The following SEC23B variants were observed in gnomAD, a reference collection of about 807,000 sequenced individuals.
The protein encoded by SEC23B is protein transport protein Sec23B.
In SEC23B, 77 loss-of-function variants were observed where a neutral mutation model predicts 104.3. The ratio of observed to expected loss-of-function variants is 0.74; its 90% confidence interval spans 0.61 to 0.89. The LOEUF (loss-of-function observed/expected upper bound fraction) is 0.89, where lower values mean the gene tolerates loss of function less well. SEC23B is among the 40% of genes least tolerant of loss of function. The pLI, the probability that SEC23B is intolerant of heterozygous loss-of-function variation, is 0.00. For missense variants in SEC23B, 885 were observed against 949.4 expected, an observed-to-expected ratio of 0.93 and a Z score of 0.89; for synonymous variants, 338 against 332.5, an observed-to-expected ratio of 1.02 and a Z score of -0.18.
At chr20:18,545,920 T>G in intron 14 of SEC23B, 36 bp from the exon 15 acceptor site, 3 of 1,156,174 alleles carry the variant, frequency 2.6e-6, no homozygotes. Flanking sequence ...TCTTTTTGTG[T>G]GTGTTTGTTT....
intron 16 of SEC23B, 52 bp from the exon 17 acceptor site, chr20:18,551,037 T>C (rs1364266832): frequency 4.3e-6 from 5 of 1,154,056 alleles, no homozygotes; most frequent in Admixed American, 1.7e-5. Flanking sequence ...AAGTGGTTGC[T>C]GTGTGGGGAG....
chr20:18,523,845 T>C (rs993881656), intron 4 of SEC23B, among the ~76,000 whole-genome samples: 1 of 152,098 alleles, frequency 6.6e-6, no homozygotes, highest in African/African-American at 2.4e-5. Context: ...GCTGGGACCT[T>C]AGGCATATGC....
intron 3 of SEC23B, among the ~76,000 whole-genome samples, chr20:18,512,879 A>G (rs1243019047): frequency 2.0e-5 from 3 of 151,852 alleles, no homozygotes; most frequent in African/African-American, 7.3e-5. Flanking sequence ...GTGAAACCCC[A>G]TCTCTACTAA....
chr20:18,511,619 T>G (rs1400428597), intron 2 of SEC23B, among the ~76,000 whole-genome samples: 1 of 152,126 alleles, frequency 6.6e-6, no homozygotes, highest in Non-Finnish European at 1.5e-5. Context: ...TGAGGGAACA[T>G]TTTTTACTTC....
chr20:18,512,298 T>G lies in SEC23B; in HGVS notation c.279+16T>G. The stretch of plus-strand genomic sequence containing the variant: ...AAGAAATCAGGTATGTGAATTATTT[T>G]TAAAAAATGTTATATGTTTTATTTT... On this transcript the variant is annotated intron_variant, in intron 3 of 19. Coordinates refer to ENST00000650089, the MANE Select transcript of SEC23B (RefSeq NM_006363.6). The G allele has an allele frequency of 1.4e-6, 2 of 1,460,918 alleles. No individual in the cohort carries two copies. Among genetic ancestry groups the G allele is most frequent in the South Asian group, 2.4e-5 (2 of 84,108 alleles). 90.5% of individuals were successfully genotyped at this position (1,460,918 alleles called of 1,614,324 possible).
In SEC23B at chr20:18,524,642, C is replaced by G; in HGVS notation, c.576C>G (p.Thr192=). 6.2e-7 allele frequency: 1 copy of G among 1,613,832 alleles called. No individual in the cohort carries two copies. The highest frequency in any genetic ancestry group is 8.5e-7 in the Non-Finnish European group (1 of 1,179,798). ...GISKSYVFRG[T]KDLTAKQIQD... is the part of the protein sequence containing the mutation. ...CCAAAAGTTATGTCTTCCGAGGGAC[C>G]AAGGATTTAACTGCAAAGCAAATAC... Residue 192 remains threonine (T), a synonymous_variant, in exon 5 of 20, where the codon ACC becomes ACG. Coordinates refer to ENST00000650089, the MANE Select transcript of SEC23B (RefSeq NM_006363.6).
intron 9 of SEC23B, among the ~76,000 whole-genome samples, chr20:18,528,968 AAGACCATATTCTTGGTTTC>A (rs1172538040): frequency 1.3e-5 from 2 of 152,250 alleles, no homozygotes; most frequent in Non-Finnish European, 2.9e-5. Flanking sequence ...ATCTTCAGGG[AAGACCATATTCTTGGTTTC>A]TTTGGTGCTA....
In SEC23B at chr20:18,561,335, T is replaced by C. The variant is rs1226033748; in HGVS notation, c.*595T>C. 1 of 152,614 alleles carries C rather than the reference T, an allele frequency of 6.6e-6. No individual in the cohort carries two copies. The highest frequency in any genetic ancestry group is 2.4e-5 in the African/African-American group (1 of 41,458). The allele number at this position is 152,614 out of a possible 1,614,324, so 9.5% of individuals were successfully genotyped here. A position where few individuals can be genotyped will look rare whatever the true frequency, so the allele number is the denominator to read the frequency against. On this transcript the variant is annotated 3_prime_UTR_variant, in exon 20 of 20. Transcript: ENST00000650089. ...GCTTTTAACCTCTCCTTACAAGATT[T>C]TTGTTGTTGATGTATTTAATTTTAG... is the stretch of plus-strand genomic sequence containing the variant.
At position 18,510,118 on chromosome 20, in the gene SEC23B, A is replaced by G. The variant is rs932069555; in HGVS notation, c.-14-704A>G. On this transcript the variant is annotated intron_variant, in intron 1 of 19. Transcript: ENST00000650089. ...GCTACTGAAAAAAAAATCACTTGGA[A>G]TGTAAAATTTAATAGAGGAAGAAAG... Among the ~76,000 whole-genome samples, 12 of 152,202 alleles carry G rather than the reference A, an allele frequency of 7.9e-5. 1 individual carries two copies. Among genetic ancestry groups the G allele is most frequent in the Admixed American group, 7.9e-4 (12 of 15,282 alleles).
At chr20:18,522,513 T>C (rs2060093054) in intron 4 of SEC23B, among the ~76,000 whole-genome samples, 1 of 152,128 alleles carries the variant, frequency 6.6e-6, no homozygotes, top group Non-Finnish European at 1.5e-5. Flanking sequence ...CGATTTGAAA[T>C]TGGTGAAATA....
chr20:18,532,814 A>G (rs2060199000), intron 11 of SEC23B, 70 bp downstream of exon 11: 4 of 1,092,914 alleles, frequency 3.7e-6, no homozygotes, highest in South Asian at 1.3e-5. Flanking sequence ...TCAGAGCATG[A>G]TGATCTCACA....
chr20:18,523,291 A>G (rs2060101019), intron 4 of SEC23B, among the ~76,000 whole-genome samples: 1 of 151,584 alleles, frequency 6.6e-6, no homozygotes, highest in African/African-American at 2.4e-5. Flanking sequence ...CTTTTCCCTG[A>G]GGCTGGAGCT....
intron 19 of SEC23B, among the ~76,000 whole-genome samples, chr20:18,560,450 G>A (rs774439983): frequency 2.0e-5 from 3 of 152,040 alleles, no homozygotes; most frequent in Non-Finnish European, 4.4e-5. Flanking sequence ...GCCTGATCTC[G>A]GCATACCAGG....
rs148677334 is a variant in SEC23B, at chr20:18,531,371, A to C, written c.1233+568A>C. Among the ~76,000 whole-genome samples, 512 of 152,268 alleles carry C rather than the reference A, an allele frequency of 3.4e-3. 3 individuals are homozygous for C. Among genetic ancestry groups the C allele is most frequent in the African/African-American group, 0.012 (484 of 41,568 alleles). On this transcript the variant is annotated intron_variant, in intron 10 of 19. Transcript: ENST00000650089. ...AATAGCCAAAGTACTCTAAAATAGC[A>C]CTGGGCCAGGCATGGTGGCTCATGC...
intron 12 of SEC23B, among the ~76,000 whole-genome samples, chr20:18,539,308 A>G (rs2060266200): frequency 6.6e-6 from 1 of 151,632 alleles, no homozygotes; most frequent in Non-Finnish European, 1.5e-5. Flanking sequence ...GATTGAGACC[A>G]TCCTGGCTAA....
chr20:18,536,107 C>A (rs1041917554), intron 12 of SEC23B, among the ~76,000 whole-genome samples: 5 of 152,154 alleles, frequency 3.3e-5, no homozygotes, highest in African/African-American at 9.7e-5. Flanking sequence ...ACACGTACTA[C>A]CTAGGTGAAC....
At chr20:18,539,228 G>A (rs1307706037) in intron 12 of SEC23B, among the ~76,000 whole-genome samples, 10 of 136,778 alleles carry the variant, frequency 7.3e-5, no homozygotes, top group South Asian at 4.7e-4. Context: ...AAAAAAGGCC[G>A]GGTGCGGTGG....
At chr20:18,540,338 C>G (rs922364816) in intron 12 of SEC23B, among the ~76,000 whole-genome samples, 19 of 152,154 alleles carry the variant, frequency 1.2e-4, no homozygotes, top group African/African-American at 4.3e-4. Context: ...TCTTGAGTGA[C>G]CAGGTGCATT....
chr20:18,532,430 G>T (rs1467899800), intron 10 of SEC23B, among the ~76,000 whole-genome samples: 2 of 152,212 alleles, frequency 1.3e-5, no homozygotes, highest in African/African-American at 4.8e-5. Context: ...AAAGTAAGTT[G>T]TGAGAGTTGA....
Sources: gnomAD v4.1 joint callset for allele counts (sites outside exome capture counted in the v4.1 genomes callset) on GRCh38, gnomAD v4.1.1 for gene constraint, MANE v1.5 for transcripts, NCBI Gene and HGNC (gene_info 2026-07-23, HGNC 2026-07-21) for gene names.